Variants in GALNT14 observed in about 807,000 individuals in gnomAD.
The protein encoded by GALNT14 is polypeptide N-acetylgalactosaminyltransferase 14.
A neutral mutation model predicts 77.5 loss-of-function variants in GALNT14; 60 were observed. The observed-to-expected ratio is 0.77, with a 90% CI of 0.63 to 0.96. The LOEUF is 0.96. Among genes scored for constraint, GALNT14 ranks in the 40% least tolerant of loss-of-function variants. The probability of loss-of-function intolerance (pLI) is 0.00; values close to 1 mark genes in which losing one functional copy is unlikely to be tolerated. For synonymous variants in GALNT14, 280 were observed against 281.7 expected, an observed-to-expected ratio of 0.99 and a Z score of 0.06; for missense variants, 710 against 731.0, an observed-to-expected ratio of 0.97 and a Z score of 0.33.
intron 2 of GALNT14, among the ~76,000 whole-genome samples, chr2:30,985,314 C>T (rs113648096): frequency 0.023 from 3,564 of 152,214 alleles, 138 homozygotes; most frequent in African/African-American, 0.081. Flanking sequence ...GTTACCCCTT[C>T]GGGAAATCTC....
At chr2:30,991,387 C>A (rs1282735599) in intron 2 of GALNT14, 2 of 152,164 alleles carry the variant, frequency 1.3e-5, no homozygotes, top group African/African-American at 4.8e-5. Context: ...CGGGGAAATA[C>A]AATAACCTAA....
At chr2:30,892,621 T>C in the GALNT14 span, among the ~76,000 whole-genome samples, 3 of 152,210 alleles carry the variant, frequency 2.0e-5, no homozygotes, top group Non-Finnish European at 2.9e-5. Flanking sequence ...AAACAATGTT[T>C]CCCTCCAGAG....
At chr2:30,909,824 T>C (rs956920655), downstream of GALNT14, among the ~76,000 whole-genome samples, 1 of 151,642 alleles carries the variant, frequency 6.6e-6, no homozygotes, top group African/African-American at 2.4e-5. Context: ...TGTCCAACAA[T>C]GATAGACTGG....
intron 1 of GALNT14, among the ~76,000 whole-genome samples, chr2:31,013,294 A>C (rs1303776341): frequency 6.6e-6 from 1 of 152,232 alleles, no homozygotes; most frequent in Non-Finnish European, 1.5e-5. Flanking sequence ...GAGATGAATA[A>C]AGATCTGAGT....
At chr2:31,072,990 C>A (rs1488722872) in intron 1 of GALNT14, 1 of 152,170 alleles carries the variant, frequency 6.6e-6, no homozygotes, top group Non-Finnish European at 1.5e-5. Context: ...ATACTAGGAA[C>A]TTTAGGGCAC....
At chr2:31,050,513 G>A (rs1260298653) in intron 1 of GALNT14, among the ~76,000 whole-genome samples, 1 of 152,142 alleles carries the variant, frequency 6.6e-6, no homozygotes, top group Non-Finnish European at 1.5e-5. Flanking sequence ...GAAAGGGAAG[G>A]AGCACTAAAT....
chr2:31,038,085 T>TATATATA lies in GALNT14; in HGVS notation c.130-45079_130-45078insTATATAT, dbSNP rs1491282655. On this transcript the variant is annotated intron_variant, in intron 1 of 14. Coordinates refer to ENST00000349752, the MANE Select transcript of GALNT14 (RefSeq NM_024572.4). ...TTTGCCATATATATATATATATATA[T>TATATATA]TTTTTTTTTTTTTTTTTTTTTTTTT... Among the ~76,000 whole-genome samples the TATATATA allele has an allele frequency of 5.1e-4, 20 of 38,894 alleles. No individual in the cohort carries two copies. In the East Asian group the frequency reaches 6.8e-3, roughly 13 times the overall value. The allele number at this position is 38,894 out of a possible 152,430, so 25.5% of individuals were successfully genotyped here.
intron 1 of GALNT14, among the ~76,000 whole-genome samples, chr2:31,057,338 A>C (rs1674287412): frequency 9.1e-6 from 1 of 109,358 alleles, no homozygotes; most frequent in South Asian, 3.4e-4. Context: ...TTATATATAC[A>C]CGTATATATA....
In GALNT14 at chr2:31,138,394, G is replaced by A. The variant is rs547868027; in HGVS notation, c.-308C>T. On this transcript the variant is annotated 5_prime_UTR_variant, in exon 1 of 15. Coordinates refer to ENST00000349752, the MANE Select transcript of GALNT14 (RefSeq NM_024572.4). Reference sequence around the variant, plus strand: ...TGTTCCCCACGCCGCCACCGCGGCTGCCGCCGCCGCCGCCGCCGCCTTGCC... The same window carrying A: ...TGTTCCCCACGCCGCCACCGCGGCTACCGCCGCCGCCGCCGCCGCCTTGCC... 8.1e-5 allele frequency: 21 copies of A among 257,910 alleles called. No individual in the cohort carries two copies. In the East Asian group the frequency reaches 1.0e-3, roughly 13 times the overall value. The allele number at this position is 257,910 out of a possible 1,614,324, so 16.0% of individuals were successfully genotyped here.
chr2:31,048,289 G>C (rs1038298294), intron 1 of GALNT14, among the ~76,000 whole-genome samples: 2 of 152,180 alleles, frequency 1.3e-5, no homozygotes, highest in Non-Finnish European at 2.9e-5. Context: ...TTTCTGTTAG[G>C]AACTGAAGAT....
intron 1 of GALNT14, among the ~76,000 whole-genome samples, chr2:31,025,359 G>A (rs2148468391): frequency 6.6e-6 from 1 of 152,232 alleles, no homozygotes; most frequent in Admixed American, 6.5e-5. Context: ...CTCATGACCT[G>A]CAAGGTGCCC....
chr2:31,117,153 G>A (rs189754081), intron 1 of GALNT14, among the ~76,000 whole-genome samples: 75 of 152,248 alleles, frequency 4.9e-4, no homozygotes, highest in Non-Finnish European at 8.4e-4. Flanking sequence ...ATTTTGAAAA[G>A]TAGAGATTTG....
At chr2:31,050,601 T>G (rs2148518059) in intron 1 of GALNT14, among the ~76,000 whole-genome samples, 1 of 152,268 alleles carries the variant, frequency 6.6e-6, no homozygotes, top group South Asian at 2.1e-4. Flanking sequence ...GAATAAAGTC[T>G]GGAGTTCAGT....
the GALNT14 span, among the ~76,000 whole-genome samples, chr2:30,899,358 T>C: frequency 6.6e-6 from 1 of 152,234 alleles, no homozygotes; most frequent in Non-Finnish European, 1.5e-5. Flanking sequence ...CTGGAATTTC[T>C]TGGAGGACCA....
chr2:30,970,189 T>C (rs1428651112), intron 2 of GALNT14, among the ~76,000 whole-genome samples: 3 of 151,572 alleles, frequency 2.0e-5, no homozygotes, highest in Admixed American at 6.6e-5. Context: ...TGCTGGGGGG[T>C]TCTGTCCTGT....
chr2:30,929,567 G>T, intron 10 of GALNT14, 80 bp from the exon 11 acceptor site: 2 of 1,049,238 alleles, frequency 1.9e-6, no homozygotes, highest in Non-Finnish European at 2.9e-6. Context: ...AAATACACAT[G>T]TGTGGGCTGA....
chr2:30,956,504 T>G (rs1331660079), intron 4 of GALNT14, among the ~76,000 whole-genome samples: 1 of 152,116 alleles, frequency 6.6e-6, no homozygotes, highest in Non-Finnish European at 1.5e-5. Context: ...ACAAACAATC[T>G]CATTTCTCTT....
chr2:31,064,054 GGA>G (rs776794839), intron 1 of GALNT14, among the ~76,000 whole-genome samples: 12 of 152,204 alleles, frequency 7.9e-5, no homozygotes, highest in Non-Finnish European at 1.8e-4. Context: ...TGGCAAAGAA[GGA>G]GAGACAGCAA....
At chr2:30,984,298 C>T (rs932207401) in intron 2 of GALNT14, among the ~76,000 whole-genome samples, 2 of 152,242 alleles carry the variant, frequency 1.3e-5, no homozygotes, top group Non-Finnish European at 2.9e-5. Flanking sequence ...GTTCAGCCTG[C>T]ACTTTGTTTG....
Sources: allele counts gnomAD v4.1 joint callset (sites outside exome capture counted in the v4.1 genomes callset), GRCh38; gene constraint gnomAD v4.1.1; transcripts MANE v1.5; gene names NCBI Gene and HGNC (gene_info 2026-07-23, HGNC 2026-07-21).